TRAPPC10: variants seen among roughly 807,000 people sequenced by gnomAD.
The protein encoded by TRAPPC10 is TRAPP 130 kDa subunit.
In TRAPPC10, 23 loss-of-function variants were observed where a neutral mutation model predicts 125.5. The observed-to-expected ratio is 0.18, with a 90% confidence interval of 0.13 to 0.26. The LOEUF is 0.26. Among genes scored for constraint, TRAPPC10 ranks in the 10% least tolerant of loss-of-function variants. The pLI, the probability that TRAPPC10 is intolerant of heterozygous loss-of-function variation, is 1.00. For missense variants in TRAPPC10, 1,123 were observed against 1,308.4 expected, an observed-to-expected ratio of 0.86 and a Z score of 2.19; for synonymous variants, 509 against 518.0, an observed-to-expected ratio of 0.98 and a Z score of 0.24.
At chr21:44,021,665 A>G (rs1211934729) in intron 1 of TRAPPC10, among the ~76,000 whole-genome samples, 3 of 152,180 alleles carry the variant, frequency 2.0e-5, no homozygotes, top group Non-Finnish European at 2.9e-5. Flanking sequence ...GTCCCTCCCT[A>G]CACACCGAAG....
chr21:44,080,212 C>T (rs556362620), intron 13 of TRAPPC10, 85 bp downstream of exon 13: 3 of 1,144,190 alleles, frequency 2.6e-6, no homozygotes, highest in Non-Finnish European at 3.8e-6. Context: ...CAACCACTTA[C>T]AGTAAACAGT....
At chr21:44,036,709 G>A (rs972420471) in intron 2 of TRAPPC10, among the ~76,000 whole-genome samples, 3 of 152,202 alleles carry the variant, frequency 2.0e-5, no homozygotes, top group Admixed American at 6.5e-5. Context: ...CAGGGTGAAA[G>A]CAACGTCTGC....
intron 19 of TRAPPC10, among the ~76,000 whole-genome samples, chr21:44,092,943 C>T (rs1323758907): frequency 6.6e-6 from 1 of 152,062 alleles, no homozygotes; most frequent in Non-Finnish European, 1.5e-5. Context: ...ATTACAGGCA[C>T]CCGCCAACAC....
chr21:44,023,465 A>G (rs1289708439), intron 1 of TRAPPC10, among the ~76,000 whole-genome samples: 1 of 152,158 alleles, frequency 6.6e-6, no homozygotes, highest in South Asian at 2.1e-4. Flanking sequence ...GTTACAGTCC[A>G]TTGCATTGTT....
At chr21:44,080,639 G>A (rs2037632340) in intron 13 of TRAPPC10, among the ~76,000 whole-genome samples, 1 of 151,804 alleles carries the variant, frequency 6.6e-6, no homozygotes, top group African/African-American at 2.4e-5. Context: ...CCGGGTTCAA[G>A]CAATTCTCCT....
intron 1 of TRAPPC10, among the ~76,000 whole-genome samples, chr21:44,028,896 G>A (rs574417824): frequency 6.6e-6 from 1 of 152,130 alleles, no homozygotes; most frequent in Non-Finnish European, 1.5e-5. Context: ...TTGCCCGTGG[G>A]ATTAAAATGA....
chr21:44,051,290 G>A (rs949728438), intron 3 of TRAPPC10, among the ~76,000 whole-genome samples: 2 of 152,148 alleles, frequency 1.3e-5, no homozygotes, highest in African/African-American at 4.8e-5. Flanking sequence ...AAAGTCCGGA[G>A]GAATTAGGGC....
At position 44,091,940 on chromosome 21, in the gene TRAPPC10, G is replaced by C; in HGVS notation, c.2888G>C (p.Cys963Ser). The change falls in exon 19 of 23, where the codon TGT becomes TCT. Residue 963 changes from cysteine to serine, a missense_variant. Transcript: ENST00000291574. The stretch of plus-strand genomic sequence containing the variant: ...CACTTTAGGAAATATGTTCAAGTTT[G>C]TGTCCAGAATTTGTCAGAACTTGAC... ...SSGTRKYVQV[C>S]VQNLSELDFQ... 1 of 1,613,914 alleles carries C rather than the reference G, an allele frequency of 6.2e-7. No homozygotes were observed.
chr21:44,035,303 C>A (rs985980779), intron 2 of TRAPPC10, among the ~76,000 whole-genome samples: 8 of 152,156 alleles, frequency 5.3e-5, no homozygotes, highest in African/African-American at 1.9e-4. Context: ...GATGCTGGCA[C>A]CTTGATCTTG....
At chr21:44,040,842 C>T (rs952260926) in intron 3 of TRAPPC10, among the ~76,000 whole-genome samples, 1 of 151,474 alleles carries the variant, frequency 6.6e-6, no homozygotes, top group Admixed American at 6.6e-5. Context: ...TCTCAAACTC[C>T]TGGCCCCAAG....
chr21:44,038,816 A>C (rs1281470928), intron 3 of TRAPPC10, among the ~76,000 whole-genome samples: 1 of 152,060 alleles, frequency 6.6e-6, no homozygotes, highest in East Asian at 1.9e-4. Context: ...TTTTCCTCAG[A>C]TTTCACCTCA....
intron 7 of TRAPPC10, among the ~76,000 whole-genome samples, chr21:44,064,215 G>A (rs991628759): frequency 2.6e-5 from 4 of 152,170 alleles, no homozygotes; most frequent in African/African-American, 9.7e-5. Context: ...TTTGCACATG[G>A]CCATGCAGGT....
intron 3 of TRAPPC10, among the ~76,000 whole-genome samples, chr21:44,049,001 A>G (rs975971227): frequency 6.6e-6 from 1 of 152,102 alleles, no homozygotes; most frequent in Non-Finnish European, 1.5e-5. Context: ...CTGAGAATGT[A>G]CTGATTCTTT....
At chr21:44,075,338 A>G (rs1255338381) in intron 9 of TRAPPC10, among the ~76,000 whole-genome samples, 185 bp downstream of exon 9, 2 of 152,230 alleles carry the variant, frequency 1.3e-5, no homozygotes, top group East Asian at 3.8e-4. Context: ...GCATAATGCA[A>G]TATTAGAAAT....
chr21:44,062,758 C>T (rs938020913), intron 6 of TRAPPC10: 78 of 985,300 alleles, frequency 7.9e-5, no homozygotes, highest in African/African-American at 8.7e-5. Flanking sequence ...ATGCGCTCCC[C>T]GGGTCTGAGG....
rs547662910 is a variant in TRAPPC10, at chr21:44,075,337, A to G, written c.1300+184A>G. 3.3e-5 allele frequency among the ~76,000 whole-genome samples: 5 copies of G among 152,366 alleles called. No individual in the cohort carries two copies. In the East Asian group the frequency reaches 7.7e-4, roughly 23 times the overall value. ...AGTTTACCTTTTAACAGCATAATGC[A>G]ATATTAGAAATAGTTGAAGAAATTG... On this transcript the variant is annotated intron_variant, in intron 9 of 22. Coordinates refer to ENST00000291574, the MANE Select transcript of TRAPPC10 (RefSeq NM_003274.5).
chr21:44,029,250 A>T (rs146803928), intron 1 of TRAPPC10, among the ~76,000 whole-genome samples: 24 of 152,086 alleles, frequency 1.6e-4, no homozygotes, highest in African/African-American at 5.1e-4. Flanking sequence ...GCCTGCCACC[A>T]CACCCAGCTA....
chr21:44,079,334 C>T (rs2037509268), intron 11 of TRAPPC10: 1 of 489,154 alleles, frequency 2.0e-6, no homozygotes, highest in Non-Finnish European at 3.6e-6. Context: ...GTGTTGTGCT[C>T]TTATCACCAC....
intron 7 of TRAPPC10, among the ~76,000 whole-genome samples, chr21:44,073,501 G>A (rs771140626): frequency 3.3e-5 from 5 of 152,164 alleles, no homozygotes; most frequent in Non-Finnish European, 5.9e-5. Context: ...TACAGCAGGC[G>A]ATTTTGCTTT....
Sources: gnomAD v4.1 joint callset for allele counts (sites outside exome capture counted in the v4.1 genomes callset) on GRCh38, gnomAD v4.1.1 for gene constraint, MANE v1.5 for transcripts, NCBI Gene and HGNC (gene_info 2026-07-23, HGNC 2026-07-21) for gene names.